The following OTULINL variants were observed in gnomAD, a reference collection of about 807,000 sequenced individuals.
OTULINL encodes the protein inactive ubiquitin thioesterase OTULINL.
OTULINL carries 42 observed loss-of-function variants against 43.9 expected under a neutral mutation model. The observed-to-expected ratio is 0.96, with a 90% CI of 0.75 to 1.24. OTULINL has a LOEUF of 1.24. Among genes scored for constraint, OTULINL ranks in the 50% most tolerant of loss-of-function variants. The probability of loss-of-function intolerance (pLI) is 0.00; values close to 1 mark genes in which losing one functional copy is unlikely to be tolerated. For synonymous variants in OTULINL, 172 were observed against 153.6 expected (o/e 1.12, Z -0.88); for missense variants, 411 against 426.4 (o/e 0.96, Z 0.32).
At chr5:14,599,927 A>G (rs1433651644) in intron 1 of OTULINL, among the ~76,000 whole-genome samples, 2 of 152,254 alleles carry the variant, frequency 1.3e-5, no homozygotes, top group Non-Finnish European at 2.9e-5. Context: ...TGGAAATGAT[A>G]TCTATGTGCC....
At chr5:14,588,835 T>A (rs1759150905) in intron 1 of OTULINL, among the ~76,000 whole-genome samples, 1 of 152,200 alleles carries the variant, frequency 6.6e-6, no homozygotes, top group Non-Finnish European at 1.5e-5. Context: ...AACAAGCCCT[T>A]CTGAAAGTTG....
At chr5:14,601,991 G>A (rs551276559) in intron 4 of OTULINL, among the ~76,000 whole-genome samples, 192 bp from the exon 5 acceptor site, 2 of 152,240 alleles carry the variant, frequency 1.3e-5, no homozygotes, top group South Asian at 4.1e-4. Context: ...TCTGCTTCCA[G>A]GATTTATCAT....
chr5:14,606,968 C>T (rs1759490845), intron 5 of OTULINL, among the ~76,000 whole-genome samples: 1 of 152,182 alleles, frequency 6.6e-6, no homozygotes, highest in Admixed American at 6.5e-5. Context: ...GTGGCTCACA[C>T]CTGTAATTCC....
rs566948919 is a variant in OTULINL, at chr5:14,615,015, C to A, written c.*4701C>A. The A allele has an allele frequency of 1.8e-5, 6 of 339,696 alleles. No individual in the cohort carries two copies. The highest frequency in any genetic ancestry group is 1.1e-4 in the African/African-American group (5 of 47,512). 21.0% of individuals were successfully genotyped at this position (339,696 alleles called of 1,614,324 possible). Reference sequence around the variant, plus strand: ...AAGTACATGTTTTAAGTATTTTCATCGTAGTCTAGATGGGCTGTAAAACCC... The same window carrying A: ...AAGTACATGTTTTAAGTATTTTCATAGTAGTCTAGATGGGCTGTAAAACCC... On this transcript the variant is annotated 3_prime_UTR_variant, in exon 8 of 8. Transcript: ENST00000274217.
In OTULINL at chr5:14,610,929, ACTT is replaced by A. The variant is rs1759570800; in HGVS notation, c.*616_*618del. Reference sequence around the variant, plus strand: ...ACACATAGACATACAGAGAACCACTACTTTGTAATAGTGTACAGTTTGTTTTAT... The same window carrying A: ...ACACATAGACATACAGAGAACCACTATGTAATAGTGTACAGTTTGTTTTAT... On this transcript the variant is annotated 3_prime_UTR_variant, in exon 8 of 8. Coordinates refer to ENST00000274217, the MANE Select transcript of OTULINL (RefSeq NM_019018.3). 6.6e-6 allele frequency: 1 copy of A among 152,190 alleles called. No homozygotes were observed. The highest frequency in any genetic ancestry group is 2.1e-4 in the South Asian group (1 of 4,832). The allele number at this position is 152,190 out of a possible 1,614,324, so 9.4% of individuals were successfully genotyped here.
At position 14,608,832 on chromosome 5, in the gene OTULINL, A is replaced by T; in HGVS notation, c.712A>T (p.Lys238Ter). Reference sequence around the variant, plus strand: ...TTTTTCAGATGCCATTCTGGAATATAAACTTTATGAAGCTTTAAAGTTCAT... The same window carrying T: ...TTTTTCAGATGCCATTCTGGAATATTAACTTTATGAAGCTTTAAAGTTCAT... ...TLFSDAILEY[K>*]LYEALKFIML... The change falls in exon 7 of 8, where the codon AAA (lysine) becomes TAA (stop). Residue 238 changes from lysine (K) to a stop codon, truncating the protein, a stop_gained. Coordinates refer to ENST00000274217, the MANE Select transcript of OTULINL (RefSeq NM_019018.3). LOFTEE classifies it high-confidence loss of function. 1 of 1,613,886 alleles carries T rather than the reference A, an allele frequency of 6.2e-7. No individual in the cohort carries two copies. The highest frequency in any genetic ancestry group is 1.1e-5 in the South Asian group (1 of 91,080).
rs370459608 is a variant in OTULINL at position 14,598,743 on chromosome 5, G to T, written c.65-2222G>T. 1.1e-4 allele frequency among the ~76,000 whole-genome samples: 17 copies of T among 152,276 alleles called. No homozygotes were observed. The South Asian group carries it at 3.1e-3, about 28-fold the overall frequency. On this transcript the variant is annotated intron_variant, in intron 1 of 7. Coordinates refer to ENST00000274217, the MANE Select transcript of OTULINL (RefSeq NM_019018.3). ...AAAAAAAGGCAATGCTTACATTTAG[G>T]ACAGTTTATACTGAAATATTATGCA...
chr5:14,585,750 G>T (rs532921778), intron 1 of OTULINL, among the ~76,000 whole-genome samples: 1 of 152,230 alleles, frequency 6.6e-6, no homozygotes, highest in Admixed American at 6.5e-5. Context: ...ATTTGCTCAA[G>T]GCTTCCGCTA....
chr5:14,607,231 A>G (rs1041265640), intron 5 of OTULINL, 99 bp from the exon 6 acceptor site: 33 of 815,286 alleles, frequency 4.0e-5, no homozygotes, highest in Non-Finnish European at 5.6e-5. Context: ...TTCCATCTCG[A>G]AAAAAAAAAA....
intron 7 of OTULINL, among the ~76,000 whole-genome samples, chr5:14,609,693 C>T (rs1430740826): frequency 6.9e-6 from 1 of 145,128 alleles, no homozygotes; most frequent in Non-Finnish European, 1.5e-5. Flanking sequence ...TGCTGTGGCG[C>T]GATCTCCGCT....
chr5:14,586,310 CT>C (rs35366646), intron 1 of OTULINL, among the ~76,000 whole-genome samples: 7 of 152,126 alleles, frequency 4.6e-5, no homozygotes, highest in Admixed American at 1.3e-4. Flanking sequence ...TTTCTAGTAA[CT>C]TTTTATGCTA....
Position 14,608,779 on chromosome 5 carries a change from A to G in OTULINL, c.659A>G (p.His220Arg). 3 of 1,611,164 alleles carry G rather than the reference A, an allele frequency of 1.9e-6. No individual in the cohort carries two copies. The highest frequency in any genetic ancestry group is 2.7e-5 in the African/African-American group (2 of 74,964). Reference sequence around the variant, plus strand: ...GAATTTAATGGCATTAGAGATTATCACAAGAGAGGAAGTATGTGCAACACC... The same window carrying G: ...GAATTTAATGGCATTAGAGATTATCGCAAGAGAGGAAGTATGTGCAACACC... ...WTEFNGIRDYHKRGSMCNTLF... is the reference protein window; with the variant it reads ...WTEFNGIRDYRKRGSMCNTLF... Residue 220 changes from histidine (H) to arginine (R), a missense_variant, in exon 7 of 8, where the codon CAC becomes CGC. Coordinates refer to ENST00000274217, the MANE Select transcript of OTULINL (RefSeq NM_019018.3).
chr5:14,613,836 G>A lies in OTULINL; in HGVS notation c.*3522G>A, dbSNP rs1385832282. Among the ~76,000 whole-genome samples the A allele has an allele frequency of 1.3e-5, 2 of 152,148 alleles. No individual in the cohort carries two copies. The highest frequency in any genetic ancestry group is 4.8e-5 in the African/African-American group (2 of 41,430). On this transcript the variant is annotated 3_prime_UTR_variant, in exon 8 of 8. Transcript: ENST00000274217. ...AGAGAAGAGCAGCCAGGATCAGGGG[G>A]CATTAACGTTAATTTTCCCAGGACT... is the stretch of plus-strand genomic sequence containing the variant.
intron 7 of OTULINL, 127 bp downstream of exon 7, chr5:14,609,144 T>A: frequency 1.1e-6 from 1 of 925,034 alleles, no homozygotes; most frequent in Non-Finnish European, 1.7e-6. Flanking sequence ...TGATTGATAT[T>A]ATCGCCCCTC....
chr5:14,593,280 A>G lies in OTULINL; in HGVS notation c.65-7685A>G, dbSNP rs145023089. On this transcript the variant is annotated intron_variant, in intron 1 of 7. Transcript: ENST00000274217. ...CGAGAGGTATGTAAGCAGTGGTTGG[A>G]TGACAGATGGTGGGAGATGGTAGCC... Among the ~76,000 whole-genome samples, 844 of 152,310 alleles carry G rather than the reference A, an allele frequency of 5.5e-3. 7 individuals are homozygous for G. Among genetic ancestry groups the G allele is most frequent in the African/African-American group, 0.019 (804 of 41,566 alleles).
rs780279485 is a variant in OTULINL, at chr5:14,610,324, G to A, written c.*10G>A. 1.9e-6 allele frequency: 3 copies of A among 1,611,942 alleles called. No individual in the cohort carries two copies. Among genetic ancestry groups the A allele is most frequent in the Non-Finnish European group, 2.5e-6 (3 of 1,179,814 alleles). On this transcript the variant is annotated 3_prime_UTR_variant, in exon 8 of 8. Coordinates refer to ENST00000274217, the MANE Select transcript of OTULINL (RefSeq NM_019018.3). ...CATTCCAGTCTTTTAAGTCCGCTGG[G>A]GGCCGAACAGCAGTGCTCACCAGTG...
chr5:14,594,291 G>A (rs1270636677), intron 1 of OTULINL, among the ~76,000 whole-genome samples: 1 of 152,176 alleles, frequency 6.6e-6, no homozygotes. Context: ...TTTGTTCTGT[G>A]TGTTTTTCCT....
rs1189539603 is a variant in OTULINL at position 14,611,566 on chromosome 5, C to T, written c.*1252C>T. ...GTGAAGCCTGTGTTGGACCTCTAATCTGCAGAACTGTAAGATAATAGATTT... is the reference window on the plus strand; with the variant it reads ...GTGAAGCCTGTGTTGGACCTCTAATTTGCAGAACTGTAAGATAATAGATTT... On this transcript the variant is annotated 3_prime_UTR_variant, in exon 8 of 8. Coordinates refer to ENST00000274217, the MANE Select transcript of OTULINL (RefSeq NM_019018.3). 6.6e-6 allele frequency: 1 copy of T among 152,208 alleles called. No individual in the cohort carries two copies. The highest frequency in any genetic ancestry group is 2.4e-5 in the African/African-American group (1 of 41,438). The allele number at this position is 152,208 out of a possible 1,614,324, so 9.4% of individuals were successfully genotyped here.
At chr5:14,597,904 G>C (rs1009256513) in intron 1 of OTULINL, among the ~76,000 whole-genome samples, 1 of 152,038 alleles carries the variant, frequency 6.6e-6, no homozygotes, top group African/African-American at 2.4e-5. Context: ...TTTTTCTGAC[G>C]GGTTGATCAT....
Sources: allele counts gnomAD v4.1 joint callset (sites outside exome capture counted in the v4.1 genomes callset), GRCh38; gene constraint gnomAD v4.1.1; transcripts MANE v1.5; gene names NCBI Gene and HGNC (gene_info 2026-07-23, HGNC 2026-07-21).